The following TANC2 variants were observed in gnomAD, a reference collection of about 807,000 sequenced individuals.
TANC2 encodes tetratricopeptide repeat, ankyrin repeat and coiled-coil containing 2.
TANC2 carries 26 observed loss-of-function variants against 210.5 expected under a neutral mutation model. The observed-to-expected ratio is 0.12, with a 90% CI of 0.09 to 0.17. The LOEUF is 0.17. Among genes scored for constraint, TANC2 ranks in the 10% least tolerant of loss-of-function variants. TANC2 has a pLI of 1.00. For synonymous variants in TANC2, 931 were observed against 967.1 expected (o/e 0.96, Z 0.69); for missense variants, 2,129 against 2,608.9 (o/e 0.82, Z 4.01).
At chr17:63,329,722 T>G (rs536923650) in intron 11 of TANC2, among the ~76,000 whole-genome samples, 2 of 152,316 alleles carry the variant, frequency 1.3e-5, no homozygotes. Flanking sequence ...AATAAATGTT[T>G]TATGTGTTCC....
intron 14 of TANC2, among the ~76,000 whole-genome samples, chr17:63,358,252 T>C (rs1050777173): frequency 6.6e-6 from 1 of 152,202 alleles, no homozygotes; most frequent in Non-Finnish European, 1.5e-5. Context: ...TCTCAGAATC[T>C]GGGCAAGGAC....
chr17:63,045,218 T>C (rs1433340815), intron 2 of TANC2, among the ~76,000 whole-genome samples: 2 of 152,208 alleles, frequency 1.3e-5, no homozygotes, highest in African/African-American at 4.8e-5. Context: ...TGAGTAGTCG[T>C]GACAGGGAGC....
chr17:63,351,189 C>A (rs1458017884), intron 12 of TANC2, 61 bp from the exon 13 acceptor site: 11 of 1,389,286 alleles, frequency 7.9e-6, no homozygotes, highest in Middle Eastern at 2.4e-4. Context: ...GATCAAAGAT[C>A]CAGTAAGAAC....
intron 2 of TANC2, among the ~76,000 whole-genome samples, chr17:63,020,693 T>C (rs1250416263): frequency 1.3e-5 from 2 of 152,212 alleles, no homozygotes; most frequent in Admixed American, 6.5e-5. Context: ...GTTGTTAGAA[T>C]CATGTGTGAC....
chr17:63,418,705 A>C lies in TANC2; in HGVS notation c.4268+298A>C, dbSNP rs533660007. Reference sequence around the variant, plus strand: ...TCAGGCATTTTTCAACCCCCAGAGCAGCTAGCACAAAGAGACAACGGCGAC... The same window carrying C: ...TCAGGCATTTTTCAACCCCCAGAGCCGCTAGCACAAAGAGACAACGGCGAC... On this transcript the variant is annotated intron_variant, in intron 27 of 27. Coordinates refer to ENST00000689528, the Ensembl canonical transcript of TANC2. This position sits in a 1 kb window ranked among gnomAD's most constrained non-coding sequence, Gnocchi z 4.6. Among the ~76,000 whole-genome samples, 14 of 152,364 alleles carry C rather than the reference A, an allele frequency of 9.2e-5. No homozygotes were observed. The highest frequency in any genetic ancestry group is 3.4e-4 in the African/African-American group (14 of 41,592).
intron 11 of TANC2, among the ~76,000 whole-genome samples, chr17:63,322,264 C>T (rs1411758819): frequency 1.3e-5 from 2 of 152,050 alleles, no homozygotes; most frequent in African/African-American, 2.4e-5. Context: ...TTTGGGAGGC[C>T]GAGGCGGGCG....
In TANC2 at chr17:63,412,106, C is replaced by A. The variant is rs1350562153; in HGVS notation, c.3874C>A (p.Leu1292Ile). Reference sequence around the variant, plus strand: ...CCGGAACACTTCTGTTGTTGTCACTCTTCTGAAGAAAGGAGCCAAGATAGG... The same window carrying A: ...CCGGAACACTTCTGTTGTTGTCACTATTCTGAAGAAAGGAGCCAAGATAGG... Residue 1292 changes from leucine to isoleucine, a missense_variant, in exon 23 of 28, where the codon CTT (leucine) becomes ATT (isoleucine). Leu to Ile is a conservative substitution (Grantham distance 5, BLOSUM62 2). Transcript: ENST00000689528. The surrounding 1 kb of genome is among the most constrained non-coding windows in gnomAD (Gnocchi z 4.2). The A allele has an allele frequency of 6.2e-7, 1 of 1,613,968 alleles. No homozygotes were observed. Among genetic ancestry groups the A allele is most frequent in the Non-Finnish European group, 8.5e-7 (1 of 1,179,874 alleles).
At chr17:63,316,957 TAA>T (rs1037986354) in intron 10 of TANC2, among the ~76,000 whole-genome samples, 8 of 151,308 alleles carry the variant, frequency 5.3e-5, no homozygotes, top group East Asian at 3.9e-4. Context: ...GTTATTAATA[TAA>T]GTTATTATAT....
chr17:63,340,378 C>A, intron 12 of TANC2, 46 bp downstream of exon 12: 1 of 1,494,114 alleles, frequency 6.7e-7, no homozygotes, highest in Non-Finnish European at 9.3e-7. Flanking sequence ...GTTTAGAGCC[C>A]AAGTTCACCC....
At chr17:63,105,527 C>G (rs1221612217) in intron 4 of TANC2, among the ~76,000 whole-genome samples, 1 of 151,518 alleles carries the variant, frequency 6.6e-6, no homozygotes, top group East Asian at 1.9e-4. Flanking sequence ...TTTTTGAAAA[C>G]CTACTAGAAT....
chr17:63,131,554 C>T (rs2038920416), intron 4 of TANC2, among the ~76,000 whole-genome samples: 1 of 150,210 alleles, frequency 6.7e-6, no homozygotes, highest in Non-Finnish European at 1.5e-5. Context: ...TTCTACATTA[C>T]ACCAGTTGCT....
intron 11 of TANC2, among the ~76,000 whole-genome samples, chr17:63,333,747 T>C (rs940738909): frequency 2.0e-5 from 3 of 152,060 alleles, no homozygotes; most frequent in African/African-American, 7.2e-5. Context: ...CAGCAAACTT[T>C]ATTGTCTTAT....
intron 8 of TANC2, among the ~76,000 whole-genome samples, chr17:63,239,148 T>TAAA (rs200046501): frequency 9.6e-5 from 12 of 124,566 alleles, no homozygotes; most frequent in East Asian, 4.5e-4. Flanking sequence ...ACCTTGTCTC[T>TAAA]AAAAAAAAAA....
chr17:63,134,086 C>T (rs967427995), intron 4 of TANC2, among the ~76,000 whole-genome samples: 5 of 152,142 alleles, frequency 3.3e-5, no homozygotes, highest in African/African-American at 1.2e-4. Context: ...ATGTATTCCA[C>T]GCAAGGGAGT....
chr17:63,245,416 T>C (rs1350346701), intron 8 of TANC2, among the ~76,000 whole-genome samples: 1 of 152,156 alleles, frequency 6.6e-6, no homozygotes, highest in African/African-American at 2.4e-5. Flanking sequence ...TTTTAAAATA[T>C]ATAAAATGTG....
intron 5 of TANC2, among the ~76,000 whole-genome samples, chr17:63,190,880 A>C (rs1219616737): frequency 6.6e-6 from 1 of 152,200 alleles, no homozygotes; most frequent in African/African-American, 2.4e-5. Context: ...CTTAAAAATT[A>C]AGAACCCAAT....
intron 1 of TANC2, among the ~76,000 whole-genome samples, chr17:62,981,678 T>C (rs2032309285): frequency 6.6e-6 from 1 of 152,202 alleles, no homozygotes; most frequent in Admixed American, 6.5e-5. Flanking sequence ...TCCGTAAGAC[T>C]ACTCTTCAAA....
chr17:63,099,059 C>T, intron 3 of TANC2, 116 bp from the exon 4 acceptor site: 16 of 1,074,972 alleles, frequency 1.5e-5, no homozygotes, highest in Non-Finnish European at 2.2e-5. Flanking sequence ...AGTGAAAATA[C>T]TTTGATTTTT....
intron 2 of TANC2, among the ~76,000 whole-genome samples, chr17:63,023,712 GT>G (rs1312353253): frequency 2.6e-5 from 4 of 152,162 alleles, no homozygotes; most frequent in African/African-American, 9.7e-5. Context: ...AGAGTTTTGA[GT>G]TTGTGCTGAA....
Sources: allele counts gnomAD v4.1 joint callset (sites outside exome capture counted in the v4.1 genomes callset), GRCh38; gene constraint gnomAD v4.1.1; non-coding constraint Gnocchi (gnomAD v3.1); transcripts MANE v1.5; gene names NCBI Gene and HGNC (gene_info 2026-07-23, HGNC 2026-07-21).